The following ANKRD27 variants were observed in gnomAD, a reference collection of about 807,000 sequenced individuals.
ANKRD27 encodes the protein ankyrin repeat domain 27, also known as ankyrin repeat domain-containing protein 27.
Under a neutral mutation model 129.7 loss-of-function variants are expected in ANKRD27, and 112 were observed. The observed-to-expected ratio is 0.86, with a 90% CI of 0.74 to 1.01. ANKRD27 has a LOEUF of 1.01. Ranked by LOEUF, ANKRD27 falls within the 50% of genes least tolerant of loss-of-function variation. The probability of loss-of-function intolerance (pLI) is 0.00; values close to 1 mark genes in which losing one functional copy is unlikely to be tolerated. For missense variants in ANKRD27, 1,258 were observed against 1,300.5 expected, an observed-to-expected ratio of 0.97 and a Z score of 0.50; for synonymous variants, 516 against 511.2, an observed-to-expected ratio of 1.01 and a Z score of -0.13.
chr19:32,671,256 C>T (rs553557362), intron 1 of ANKRD27, among the ~76,000 whole-genome samples: 1 of 151,396 alleles, frequency 6.6e-6, no homozygotes, highest in East Asian at 1.9e-4. Flanking sequence ...CCACTGCACT[C>T]TAGCCTAGGC....
chr19:32,616,903 A>C (rs1216466707), intron 21 of ANKRD27, among the ~76,000 whole-genome samples: 1 of 151,924 alleles, frequency 6.6e-6, no homozygotes, highest in Non-Finnish European at 1.5e-5. Flanking sequence ...TCCTCTCCCC[A>C]AGACGCTGCC....
chr19:32,617,419 C>G (rs1177773860), intron 21 of ANKRD27, among the ~76,000 whole-genome samples, 170 bp downstream of exon 21: 2 of 152,046 alleles, frequency 1.3e-5, no homozygotes, highest in African/African-American at 2.4e-5. Flanking sequence ...TGGCCGCGCA[C>G]AACTGTGGTC....
In ANKRD27 at chr19:32,624,429, G is replaced by A. The variant is rs543133366; in HGVS notation, c.1629+1445C>T. On this transcript the variant is annotated intron_variant, in intron 17 of 28. Transcript: ENST00000306065. ...GACTGACCTAGAGGATCTCTGTAAC[G>A]TAGAGCTAAGTTAGGAAAGCAAGTG... 2.2e-4 allele frequency among the ~76,000 whole-genome samples: 34 copies of A among 151,650 alleles called. No homozygotes were observed. In the South Asian group the frequency reaches 5.0e-3, roughly 22 times the overall value.
At chr19:32,635,023 G>T (rs1382660038) in intron 12 of ANKRD27, among the ~76,000 whole-genome samples, 1 of 152,202 alleles carries the variant, frequency 6.6e-6, no homozygotes, top group African/African-American at 2.4e-5. Context: ...GAAATAAAAG[G>T]AGGTGTGAGA....
intron 16 of ANKRD27, 152 bp downstream of exon 16, chr19:32,626,560 G>A: frequency 1.7e-6 from 1 of 582,694 alleles, no homozygotes; most frequent in Non-Finnish European, 3.0e-6. Context: ...TGGACTCCCT[G>A]ACTACTGCTG....
chr19:32,629,865 T>C (rs2145286314), intron 13 of ANKRD27, among the ~76,000 whole-genome samples: 1 of 140,858 alleles, frequency 7.1e-6, no homozygotes, highest in Admixed American at 7.1e-5. Flanking sequence ...TTTTTTTTTT[T>C]TTCAGTGAAT....
At chr19:32,674,375 T>C (rs1449978782) in intron 1 of ANKRD27, among the ~76,000 whole-genome samples, 1 of 152,070 alleles carries the variant, frequency 6.6e-6, no homozygotes, top group Non-Finnish European at 1.5e-5. Flanking sequence ...GACCCGTCCC[T>C]TGCTCCCTCG....
intron 1 of ANKRD27, among the ~76,000 whole-genome samples, chr19:32,660,901 T>C (rs1326181813): frequency 1.3e-5 from 2 of 152,152 alleles, no homozygotes; most frequent in African/African-American, 4.8e-5. Context: ...CACATCTGTA[T>C]ACTAAAGTAA....
chr19:32,604,450 A>G, intron 24 of ANKRD27, 26 bp from the exon 25 acceptor site: 1 of 1,576,322 alleles, frequency 6.3e-7, no homozygotes, highest in African/African-American at 1.3e-5. Flanking sequence ...ACACGATCAA[A>G]AGGAACGCTA....
chr19:32,635,444 G>A (rs1176495492), intron 12 of ANKRD27, among the ~76,000 whole-genome samples: 1 of 152,098 alleles, frequency 6.6e-6, no homozygotes, highest in Admixed American at 6.6e-5. Flanking sequence ...AGAGACACAA[G>A]AGCACACACA....
chr19:32,671,963 G>C (rs1238867434), intron 1 of ANKRD27, among the ~76,000 whole-genome samples: 2 of 152,136 alleles, frequency 1.3e-5, no homozygotes, highest in Non-Finnish European at 2.9e-5. Context: ...GTATTTCAGG[G>C]AGCAGCGTGC....
chr19:32,650,886 C>T (rs928927677), intron 2 of ANKRD27, among the ~76,000 whole-genome samples: 2 of 148,830 alleles, frequency 1.3e-5, no homozygotes, highest in African/African-American at 5.0e-5. Flanking sequence ...GTAACTGGGA[C>T]AACAGGTGCA....
intron 2 of ANKRD27, among the ~76,000 whole-genome samples, chr19:32,658,460 T>C (rs1180153802): frequency 6.6e-6 from 1 of 152,178 alleles, no homozygotes; most frequent in Non-Finnish European, 1.5e-5. Flanking sequence ...TGCTTTCCCT[T>C]TGGAAAAACC....
intron 1 of ANKRD27, among the ~76,000 whole-genome samples, chr19:32,665,796 C>T (rs993844858): frequency 6.6e-6 from 1 of 151,886 alleles, no homozygotes; most frequent in Non-Finnish European, 1.5e-5. Flanking sequence ...AGGTCTTGCT[C>T]TGCTGCCCAG....
intron 1 of ANKRD27, among the ~76,000 whole-genome samples, chr19:32,667,637 G>C (rs564700506): frequency 6.6e-6 from 1 of 152,240 alleles, no homozygotes; most frequent in South Asian, 2.1e-4. Flanking sequence ...GGCGGATCCA[G>C]CCTGGCCAAC....
Position 32,606,939 on chromosome 19 carries a change from C to CA in ANKRD27, c.2373+695dup, listed in dbSNP as rs532062312. On this transcript the variant is annotated intron_variant, in intron 23 of 28. Transcript: ENST00000306065. ...ACAACATGGTGAAACCCCATCTCCACAAAAAAAAAAAAAAAAAAAAAAAAA... is the reference window on the plus strand; with the variant it reads ...ACAACATGGTGAAACCCCATCTCCACAAAAAAAAAAAAAAAAAAAAAAAAAA... Among the ~76,000 whole-genome samples, 478 of 65,640 alleles carry CA rather than the reference C, an allele frequency of 7.3e-3. 49 individuals are homozygous for CA. Among genetic ancestry groups the CA allele is most frequent in the East Asian group, 0.02 (34 of 1,706 alleles). 43.1% of individuals were successfully genotyped at this position (65,640 alleles called of 152,430 possible). A position where few individuals can be genotyped will look rare whatever the true frequency, so the allele number is the denominator to read the frequency against.
Position 32,598,372 on chromosome 19 carries a change from T to G in ANKRD27, c.2926A>C (p.Arg976=), listed in dbSNP as rs1971602132. The G allele has an allele frequency of 1.2e-5, 20 of 1,614,134 alleles. No individual in the cohort carries two copies. The highest frequency in any genetic ancestry group is 1.7e-5 in the Non-Finnish European group (20 of 1,179,992). ...LTEGSLHEPG[R]QSVTLRQNNL... ...TTCTGTCTCAGTGTGACACTTTGCCTCCCTGGCTAAAGAAAAAGTACATTT... is the reference window on the plus strand; with the variant it reads ...TTCTGTCTCAGTGTGACACTTTGCCGCCCTGGCTAAAGAAAAAGTACATTT... The change falls in exon 29 of 29, where the codon AGG becomes CGG. Residue 976 remains arginine (R), a synonymous_variant. Transcript: ENST00000306065.
At chr19:32,653,563 T>C (rs892370019) in intron 2 of ANKRD27, among the ~76,000 whole-genome samples, 1 of 152,072 alleles carries the variant, frequency 6.6e-6, no homozygotes, top group African/African-American at 2.4e-5. Context: ...AGTGGGGTTG[T>C]CACAGGCCTC....
At chr19:32,639,967 A>AT (rs35449858) in intron 11 of ANKRD27, among the ~76,000 whole-genome samples, 3,676 of 147,112 alleles carry the variant, frequency 0.025, 69 homozygotes, top group East Asian at 0.11. Flanking sequence ...CAGTGCTGCC[A>AT]TTTTTTTTTT....
Sources: gnomAD v4.1 joint callset for allele counts (sites outside exome capture counted in the v4.1 genomes callset) on GRCh38, gnomAD v4.1.1 for gene constraint, MANE v1.5 for transcripts, NCBI Gene and HGNC (gene_info 2026-07-23, HGNC 2026-07-21) for gene names.